Variants in SEMA6D observed in about 807,000 individuals in gnomAD.
The protein encoded by SEMA6D is semaphorin 6D, also known as semaphorin-6D.
In SEMA6D, 35 loss-of-function variants were observed where a neutral mutation model predicts 106.6. That is an observed-to-expected ratio of 0.33 (90% confidence interval 0.25 to 0.44). The LOEUF (loss-of-function observed/expected upper bound fraction) is 0.44, where lower values mean the gene tolerates loss of function less well. SEMA6D is among the 20% of genes least tolerant of loss of function. The probability of loss-of-function intolerance (pLI) is 1.00; values close to 1 mark genes in which losing one functional copy is unlikely to be tolerated. For missense variants in SEMA6D, 1,185 were observed against 1,345.9 expected (o/e 0.88, Z 1.87); for synonymous variants, 499 against 487.7 (o/e 1.02, Z -0.31).
At chr15:47,648,490 A>G (rs2077623385) in intron 4 of SEMA6D, among the ~76,000 whole-genome samples, 1 of 152,104 alleles carries the variant, frequency 6.6e-6, no homozygotes. Context: ...GAATGAATGA[A>G]TGAATGAATG....
chr15:47,582,476 C>T (rs1319947855), intron 3 of SEMA6D, among the ~76,000 whole-genome samples: 3 of 152,124 alleles, frequency 2.0e-5, no homozygotes, highest in African/African-American at 7.2e-5. Flanking sequence ...AAAAAGCAGG[C>T]TATTTGGGGT....
chr15:47,564,392 T>C (rs1566893782), intron 3 of SEMA6D, among the ~76,000 whole-genome samples: 1 of 152,186 alleles, frequency 6.6e-6, no homozygotes, highest in Admixed American at 6.5e-5. Flanking sequence ...TGTGATGTGA[T>C]AAGAATACAG....
intron 1 of SEMA6D, among the ~76,000 whole-genome samples, chr15:47,744,429 C>G (rs911133873): frequency 6.6e-6 from 1 of 152,124 alleles, no homozygotes; most frequent in Non-Finnish European, 1.5e-5. Context: ...GTGAACTGAG[C>G]TTCCCACAGC....
chr15:47,442,527 C>G (rs1481927657), intron 2 of SEMA6D, among the ~76,000 whole-genome samples: 5 of 152,128 alleles, frequency 3.3e-5, no homozygotes, highest in African/African-American at 9.6e-5. Context: ...GGGTCTCTCT[C>G]TTTCCTCATA....
chr15:47,327,051 T>G (rs2037160757), intron 1 of SEMA6D, among the ~76,000 whole-genome samples: 1 of 152,252 alleles, frequency 6.6e-6, no homozygotes, highest in South Asian at 2.1e-4. Flanking sequence ...GATGATCAGG[T>G]ATTGATTATA....
chr15:47,586,161 G>C (rs951408494), intron 3 of SEMA6D, among the ~76,000 whole-genome samples: 1 of 152,118 alleles, frequency 6.6e-6, no homozygotes, highest in Admixed American at 6.5e-5. Flanking sequence ...TGACAAAAAG[G>C]TGCCTTTTAA....
intron 1 of SEMA6D, among the ~76,000 whole-genome samples, chr15:47,341,760 A>T (rs555821930): frequency 6.6e-6 from 1 of 152,186 alleles, no homozygotes; most frequent in Non-Finnish European, 1.5e-5. Context: ...ACTCAGAGTA[A>T]ACTCTATAGC....
chr15:47,347,262 A>C (rs1264118517), intron 1 of SEMA6D, among the ~76,000 whole-genome samples: 1 of 152,218 alleles, frequency 6.6e-6, no homozygotes, highest in African/African-American at 2.4e-5. Flanking sequence ...TATCAGGGAC[A>C]GCTTTAGAGT....
intron 4 of SEMA6D, among the ~76,000 whole-genome samples, chr15:47,639,939 T>C (rs1403960998): frequency 6.6e-6 from 1 of 152,172 alleles, no homozygotes; most frequent in African/African-American, 2.4e-5. Context: ...ATCCTGGAAC[T>C]GCAAAAAGAC....
At chr15:47,225,795 G>T (rs1398892421) in intron 1 of SEMA6D, among the ~76,000 whole-genome samples, 1 of 152,046 alleles carries the variant, frequency 6.6e-6, no homozygotes, top group Admixed American at 6.6e-5. Context: ...CTCCCAAAGT[G>T]CTGGGATTAC....
intron 1 of SEMA6D, among the ~76,000 whole-genome samples, chr15:47,189,484 G>A (rs910919991): frequency 1.3e-5 from 2 of 151,922 alleles, no homozygotes; most frequent in Non-Finnish European, 2.9e-5. Flanking sequence ...CAAATAAAAT[G>A]AAGCAAAAAG....
chr15:47,568,795 T>G (rs1287660771), intron 3 of SEMA6D, among the ~76,000 whole-genome samples: 2 of 152,172 alleles, frequency 1.3e-5, no homozygotes, highest in Admixed American at 6.5e-5. Flanking sequence ...ATCTATTTCC[T>G]CTATTTTAGG....
intron 3 of SEMA6D, among the ~76,000 whole-genome samples, chr15:47,566,929 A>G (rs1035713271): frequency 6.6e-6 from 1 of 152,244 alleles, no homozygotes; most frequent in Non-Finnish European, 1.5e-5. Flanking sequence ...GGTGTTACAG[A>G]GAAAAGAAAA....
chr15:47,468,212 T>C (rs1417369484), intron 2 of SEMA6D, among the ~76,000 whole-genome samples: 1 of 152,082 alleles, frequency 6.6e-6, no homozygotes, highest in Admixed American at 6.6e-5. Flanking sequence ...TTCATACCTA[T>C]GTTTCTTCAT....
chr15:47,617,719 C>T (rs534155967), intron 4 of SEMA6D, among the ~76,000 whole-genome samples: 2 of 152,134 alleles, frequency 1.3e-5, no homozygotes, highest in Non-Finnish European at 2.9e-5. Context: ...GGCAAGACTT[C>T]GACAGATTCA....
Position 47,611,900 on chromosome 15 carries a change from T to C in SEMA6D, c.-55+11004T>C, listed in dbSNP as rs375184661. ...GAGCCAGTGCCCGATGGAAAATACA[T>C]GTAAGAACTGCTTAACAGTGGCATT... is the stretch of plus-strand genomic sequence containing the variant. On this transcript the variant is annotated intron_variant, in intron 4 of 19. Coordinates refer to the SEMA6D transcript ENST00000558014. Among the ~76,000 whole-genome samples, 35 of 152,196 alleles carry C rather than the reference T, an allele frequency of 2.3e-4. No homozygotes were observed. In the South Asian group the frequency reaches 7.1e-3, roughly 31 times the overall value.
chr15:47,611,684 T>A (rs1359246281), intron 4 of SEMA6D, among the ~76,000 whole-genome samples: 1 of 152,180 alleles, frequency 6.6e-6, no homozygotes, highest in Non-Finnish European at 1.5e-5. Context: ...TACAGATAGT[T>A]AAGACGTAAA....
chr15:47,752,567 T>G (rs2081499409), intron 1 of SEMA6D, among the ~76,000 whole-genome samples: 1 of 152,102 alleles, frequency 6.6e-6, no homozygotes, highest in Non-Finnish European at 1.5e-5. Flanking sequence ...TTTGTGTGTG[T>G]GATGAGGGAG....
At chr15:47,472,030 AATAG>A (rs1375910030) in intron 3 of SEMA6D, among the ~76,000 whole-genome samples, 2 of 151,782 alleles carry the variant, frequency 1.3e-5, no homozygotes, top group African/African-American at 2.4e-5. Context: ...GAGAAAAGAG[AATAG>A]ATAGAGGACA....
Sources: allele counts gnomAD v4.1 joint callset (sites outside exome capture counted in the v4.1 genomes callset), GRCh38; gene constraint gnomAD v4.1.1; transcripts MANE v1.5; gene names NCBI Gene and HGNC (gene_info 2026-07-23, HGNC 2026-07-21).